The following SLC16A9 variants were observed in gnomAD, a reference collection of about 807,000 sequenced individuals.
The protein encoded by SLC16A9 is solute carrier family 16 member 9, also known as monocarboxylate transporter 9.
A neutral mutation model predicts 44.3 loss-of-function variants in SLC16A9; 26 were observed. The observed-to-expected ratio is 0.59, with a 90% CI of 0.43 to 0.81. The LOEUF is 0.81. Ranked by LOEUF, SLC16A9 falls within the 40% of genes least tolerant of loss-of-function variation. The pLI, the probability that SLC16A9 is intolerant of heterozygous loss-of-function variation, is 0.00. For synonymous variants in SLC16A9, 230 were observed against 225.1 expected (o/e 1.02, Z -0.19); for missense variants, 559 against 595.8 (o/e 0.94, Z 0.64).
chr10:59,670,283 T>C (rs1173162622), intron 3 of SLC16A9, among the ~76,000 whole-genome samples: 4 of 152,198 alleles, frequency 2.6e-5, no homozygotes, highest in Non-Finnish European at 5.9e-5. Flanking sequence ...AGTGCCATTT[T>C]ATAAAAAATA....
Position 59,652,483 on chromosome 10 carries a change from G to A in SLC16A9, c.*289C>T, listed in dbSNP as rs1454782800. On this transcript the variant is annotated 3_prime_UTR_variant, in exon 6 of 6. Coordinates refer to ENST00000395348, the MANE Select transcript of SLC16A9 (RefSeq NM_194298.3). ...CTTCTTTACACAGAGAAAGCCTTCT[G>A]AGGCTGGTCAAACTTTTTACAATGT... 1 of 233,106 alleles carries A rather than the reference G, an allele frequency of 4.3e-6. No individual in the cohort carries two copies. The highest frequency in any genetic ancestry group is 2.3e-5 in the African/African-American group (1 of 43,922). 14.4% of individuals were successfully genotyped at this position (233,106 alleles called of 1,614,324 possible). A position where few individuals can be genotyped will look rare whatever the true frequency, so the allele number is the denominator to read the frequency against.
chr10:59,700,985 C>T (rs1282608786), intron 1 of SLC16A9, among the ~76,000 whole-genome samples: 1 of 152,204 alleles, frequency 6.6e-6, no homozygotes, highest in African/African-American at 2.4e-5. Flanking sequence ...ATCCCCAGCT[C>T]TGACCTCTCT....
intron 2 of SLC16A9, among the ~76,000 whole-genome samples, chr10:59,675,093 A>G (rs78686539): frequency 0.01 from 1,573 of 152,330 alleles, 16 homozygotes; most frequent in Middle Eastern, 0.034. Context: ...TCACATTGCC[A>G]TCTGCTGCTG....
At chr10:59,693,389 T>C (rs949179380) in intron 1 of SLC16A9, among the ~76,000 whole-genome samples, 3 of 151,940 alleles carry the variant, frequency 2.0e-5, no homozygotes, top group African/African-American at 7.3e-5. Context: ...ATTTCTCTTC[T>C]AAAGTCAAAA....
At chr10:59,685,312 G>A (rs1419557951) in intron 1 of SLC16A9, among the ~76,000 whole-genome samples, 5 of 151,910 alleles carry the variant, frequency 3.3e-5, no homozygotes, top group Non-Finnish European at 5.9e-5. Context: ...ACACTTGCAT[G>A]GTTCATAATG....
intron 3 of SLC16A9, among the ~76,000 whole-genome samples, chr10:59,669,211 G>C (rs138568750): frequency 6.6e-6 from 1 of 152,230 alleles, no homozygotes; most frequent in Non-Finnish European, 1.5e-5. Flanking sequence ...TTAGAAAGAG[G>C]CTTGAGCAAA....
At chr10:59,699,320 C>A (rs1465991082) in intron 1 of SLC16A9, among the ~76,000 whole-genome samples, 1 of 152,140 alleles carries the variant, frequency 6.6e-6, no homozygotes, top group Non-Finnish European at 1.5e-5. Context: ...TTATGTAGTT[C>A]AAAAGAATGG....
chr10:59,667,654 A>C (rs1839650864), intron 3 of SLC16A9, among the ~76,000 whole-genome samples: 1 of 152,214 alleles, frequency 6.6e-6, no homozygotes, highest in African/African-American at 2.4e-5. Context: ...AAATAGAAGA[A>C]TGTAAAGGGT....
chr10:59,692,287 T>C (rs1840270078), intron 1 of SLC16A9, among the ~76,000 whole-genome samples: 1 of 152,152 alleles, frequency 6.6e-6, no homozygotes, highest in Non-Finnish European at 1.5e-5. Context: ...CTTCCTACAG[T>C]TACATTTATG....
At chr10:59,697,765 A>ATAAT (rs1313576879) in intron 1 of SLC16A9, among the ~76,000 whole-genome samples, 8 of 150,286 alleles carry the variant, frequency 5.3e-5, no homozygotes, top group African/African-American at 1.9e-4. Context: ...AAATAAATAA[A>ATAAT]TAATTAAAAA....
At chr10:59,684,387 G>T in intron 1 of SLC16A9, 60 bp from the exon 2 acceptor site, 1 of 917,058 alleles carries the variant, frequency 1.1e-6, no homozygotes, top group Non-Finnish European at 1.5e-6. Context: ...CACAGCGCTT[G>T]GGGTAAAAAT....
intron 1 of SLC16A9, among the ~76,000 whole-genome samples, chr10:59,693,197 C>T (rs946700477): frequency 6.6e-6 from 1 of 152,176 alleles, no homozygotes; most frequent in African/African-American, 2.4e-5. Context: ...TTAAGTAGGA[C>T]AGAACTTTAA....
At chr10:59,663,445 T>A (rs7093824) in intron 4 of SLC16A9, among the ~76,000 whole-genome samples, 3 of 152,148 alleles carry the variant, frequency 2.0e-5, no homozygotes, top group Non-Finnish European at 4.4e-5. Context: ...AGAATGAGTT[T>A]GTGTCCTTTG....
chr10:59,677,484 GCA>G (rs1839885855), intron 2 of SLC16A9, among the ~76,000 whole-genome samples: 1 of 152,134 alleles, frequency 6.6e-6, no homozygotes, highest in Non-Finnish European at 1.5e-5. Context: ...CTACTGGACA[GCA>G]CAGTACTAGA....
In SLC16A9 at chr10:59,651,430, C is replaced by T. The variant is rs1046348843; in HGVS notation, c.*1342G>A. The T allele has an allele frequency of 6.6e-6, 1 of 152,032 alleles. No individual in the cohort carries two copies. The highest frequency in any genetic ancestry group is 1.5e-5 in the Non-Finnish European group (1 of 68,000). 9.4% of individuals were successfully genotyped at this position (152,032 alleles called of 1,614,324 possible). On this transcript the variant is annotated 3_prime_UTR_variant, in exon 6 of 6. Coordinates refer to ENST00000395348, the MANE Select transcript of SLC16A9 (RefSeq NM_194298.3). Reference sequence around the variant, plus strand: ...TAAAAGAATAAATGTTTTTCCATTGCCAATCTTATAAAAATTCTCAATCCA... The same window carrying T: ...TAAAAGAATAAATGTTTTTCCATTGTCAATCTTATAAAAATTCTCAATCCA...
intron 1 of SLC16A9, among the ~76,000 whole-genome samples, chr10:59,684,670 A>C (rs1402838871): frequency 6.6e-6 from 1 of 152,116 alleles, no homozygotes; most frequent in African/African-American, 2.4e-5. Context: ...TGGGTTCCCT[A>C]GGAAGCAGAT....
intron 1 of SLC16A9, among the ~76,000 whole-genome samples, chr10:59,688,379 T>C (rs1179228970): frequency 6.6e-6 from 1 of 152,208 alleles, no homozygotes; most frequent in Non-Finnish European, 1.5e-5. Flanking sequence ...ACCACGTGCA[T>C]AAGTCTTTAC....
At chr10:59,695,429 AAC>A (rs1840350270) in intron 1 of SLC16A9, among the ~76,000 whole-genome samples, 1 of 152,212 alleles carries the variant, frequency 6.6e-6, no homozygotes, top group Non-Finnish European at 1.5e-5. Context: ...TGTAGGTTAT[AAC>A]ACAACAAATT....
At chr10:59,701,311 A>C (rs1840518380) in intron 1 of SLC16A9, among the ~76,000 whole-genome samples, 1 of 152,152 alleles carries the variant, frequency 6.6e-6, no homozygotes, top group South Asian at 2.1e-4. Flanking sequence ...TGGATCCCTC[A>C]GCTTACACTG....
Sources: allele counts gnomAD v4.1 joint callset (sites outside exome capture counted in the v4.1 genomes callset), GRCh38; gene constraint gnomAD v4.1.1; transcripts MANE v1.5; gene names NCBI Gene and HGNC (gene_info 2026-07-23, HGNC 2026-07-21).